FRAS1: variants seen among roughly 807,000 people sequenced by gnomAD.
FRAS1 encodes Fraser extracellular matrix complex subunit 1, also known as extracellular matrix organizing protein FRAS1.
Under a neutral mutation model 435.2 loss-of-function variants are expected in FRAS1, and 290 were observed. The observed-to-expected ratio is 0.67, with a 90% confidence interval of 0.61 to 0.73. FRAS1 has a LOEUF of 0.73. FRAS1 is among the 30% of genes least tolerant of loss of function. The pLI is 0.00. For missense variants in FRAS1, 4,860 were observed against 5,001.5 expected, an observed-to-expected ratio of 0.97 and a Z score of 0.85; for synonymous variants, 1,800 against 1,851.0, an observed-to-expected ratio of 0.97 and a Z score of 0.71.
At chr4:78,446,998 C>T (rs1051709535) in intron 43 of FRAS1, 118 bp downstream of exon 43, 8 of 1,006,436 alleles carry the variant, frequency 7.9e-6, no homozygotes, top group South Asian at 1.9e-5. Context: ...TTCTTTGCAT[C>T]AAAGTGTAAT....
chr4:78,125,769 C>G (rs1037228106), intron 2 of FRAS1, among the ~76,000 whole-genome samples: 1 of 152,162 alleles, frequency 6.6e-6, no homozygotes, highest in Non-Finnish European at 1.5e-5. Context: ...CCAGAGGGCA[C>G]CCGCCTGTTT....
At chr4:78,205,902 A>T (rs1225027069) in intron 2 of FRAS1, among the ~76,000 whole-genome samples, 2 of 152,092 alleles carry the variant, frequency 1.3e-5, no homozygotes, top group African/African-American at 4.8e-5. Flanking sequence ...AGGAAGCCTG[A>T]GGAAGGAAGA....
intron 2 of FRAS1, among the ~76,000 whole-genome samples, chr4:78,130,062 C>T (rs1283946294): frequency 6.6e-6 from 1 of 152,106 alleles, no homozygotes; most frequent in Non-Finnish European, 1.5e-5. Flanking sequence ...CAAAACTTTG[C>T]CCAGGTTGTT....
At chr4:78,307,002 A>G (rs1390426443) in intron 14 of FRAS1, among the ~76,000 whole-genome samples, 1 of 152,030 alleles carries the variant, frequency 6.6e-6, no homozygotes, top group African/African-American at 2.4e-5. Context: ...GGTTTTATCT[A>G]CTTTTGGTCT....
intron 38 of FRAS1, among the ~76,000 whole-genome samples, chr4:78,434,373 A>C (rs774100686): frequency 6.6e-6 from 1 of 152,182 alleles, no homozygotes; most frequent in Non-Finnish European, 1.5e-5. Flanking sequence ...AAATGGATGG[A>C]TCTTAATCCA....
intron 38 of FRAS1, among the ~76,000 whole-genome samples, chr4:78,434,630 C>T (rs1315540915): frequency 6.6e-6 from 1 of 151,752 alleles, no homozygotes; most frequent in Non-Finnish European, 1.5e-5. Flanking sequence ...CTATGACTGA[C>T]TATGTAGAAA....
chr4:78,144,200 T>C (rs1578150940), intron 2 of FRAS1, among the ~76,000 whole-genome samples: 1 of 151,406 alleles, frequency 6.6e-6, no homozygotes, highest in African/African-American at 2.4e-5. Context: ...GAATGATAAA[T>C]GCAACTCAGA....
chr4:78,226,835 T>C (rs181958165), intron 2 of FRAS1, among the ~76,000 whole-genome samples: 2 of 152,326 alleles, frequency 1.3e-5, no homozygotes, highest in East Asian at 3.9e-4. Flanking sequence ...CTTTGTAATA[T>C]GTTCCATGTG....
At chr4:78,073,883 T>A (rs1056240663) in intron 2 of FRAS1, among the ~76,000 whole-genome samples, 23 of 152,312 alleles carry the variant, frequency 1.5e-4, no homozygotes, top group Admixed American at 3.9e-4. Flanking sequence ...AATAAAATTT[T>A]AAAAAATAAC....
At chr4:78,094,777 A>G in intron 2 of FRAS1, among the ~76,000 whole-genome samples, 1 of 152,158 alleles carries the variant, frequency 6.6e-6, no homozygotes, top group Non-Finnish European at 1.5e-5. Flanking sequence ...AGTACTTTAT[A>G]CCTTAGAGCC....
At chr4:78,449,715 A>G (rs1718962161) in intron 44 of FRAS1, among the ~76,000 whole-genome samples, 1 of 152,170 alleles carries the variant, frequency 6.6e-6, no homozygotes. Flanking sequence ...TGACATGGCA[A>G]CAAGATATGT....
chr4:78,387,650 T>C lies in FRAS1; in HGVS notation c.3924T>C (p.Asn1308=). 1 of 1,600,380 alleles carries C rather than the reference T, an allele frequency of 6.2e-7. No homozygotes were observed. The highest frequency in any genetic ancestry group is 8.5e-7 in the Non-Finnish European group (1 of 1,171,602). ...CCGATGTTGCAGTCTTGCAGGCCAA[T>C]GATGGACACTCCTTCCATAATATAC... ...STSDVAVLQA[N]DGHSFHNILF... Residue 1308 remains asparagine (N), a synonymous_variant, in exon 29 of 74, where the codon AAT becomes AAC. Coordinates refer to ENST00000512123, the MANE Select transcript of FRAS1 (RefSeq NM_025074.7).
chr4:78,276,908 C>T (rs989332995), intron 9 of FRAS1, among the ~76,000 whole-genome samples: 3 of 152,218 alleles, frequency 2.0e-5, no homozygotes, highest in African/African-American at 7.2e-5. Context: ...GCCCTGCCCC[C>T]AGAGGTGGAG....
chr4:78,294,174 G>A (rs1728037427), intron 14 of FRAS1, among the ~76,000 whole-genome samples: 1 of 152,178 alleles, frequency 6.6e-6, no homozygotes, highest in African/African-American at 2.4e-5. Context: ...TGCTCACAGA[G>A]CTAACAGCAC....
chr4:78,115,090 G>A (rs1193141892), intron 2 of FRAS1, among the ~76,000 whole-genome samples: 2 of 151,942 alleles, frequency 1.3e-5, no homozygotes, highest in Non-Finnish European at 2.9e-5. Context: ...AGATAATCAT[G>A]TGGTTTTTGT....
In FRAS1 at chr4:78,541,221, C is replaced by A. The variant is rs1722041584; in HGVS notation, c.*97C>A. The A allele has an allele frequency of 2.6e-6, 2 of 758,416 alleles. No homozygotes were observed. Among genetic ancestry groups the A allele is most frequent in the Non-Finnish European group, 3.8e-6 (2 of 527,270 alleles). The allele number at this position is 758,416 out of a possible 1,614,324, so 47.0% of individuals were successfully genotyped here. A position where few individuals can be genotyped will look rare whatever the true frequency, so the allele number is the denominator to read the frequency against. ...AATCTCGCAGATAAAAAAGGGAAAA[C>A]TATAGCTTTGAGTGGCAGACAGCAC... On this transcript the variant is annotated 3_prime_UTR_variant, in exon 74 of 74. Transcript: ENST00000512123.
intron 23 of FRAS1, among the ~76,000 whole-genome samples, chr4:78,370,374 G>T (rs1411731376): frequency 6.6e-6 from 1 of 152,164 alleles, no homozygotes. Flanking sequence ...ATTTTCAAGT[G>T]TTGTTGGTTT....
intron 29 of FRAS1, among the ~76,000 whole-genome samples, chr4:78,392,427 G>A (rs943557765): frequency 3.3e-5 from 5 of 151,818 alleles, no homozygotes; most frequent in Admixed American, 6.6e-5. Context: ...TTCAGCTAAC[G>A]TTTCTTCATT....
At chr4:78,366,676 G>C (rs1056929064) in intron 22 of FRAS1, among the ~76,000 whole-genome samples, 1 of 152,152 alleles carries the variant, frequency 6.6e-6, no homozygotes, top group Admixed American at 6.5e-5. Flanking sequence ...GCACATCCCA[G>C]CTTCCCTCAG....
Sources: gnomAD v4.1 joint callset for allele counts (sites outside exome capture counted in the v4.1 genomes callset) on GRCh38, gnomAD v4.1.1 for gene constraint, MANE v1.5 for transcripts, NCBI Gene and HGNC (gene_info 2026-07-23, HGNC 2026-07-21) for gene names.